SLC12A8: variants seen among roughly 807,000 people sequenced by gnomAD.
The protein encoded by SLC12A8 is solute carrier family 12 member 8.
A neutral mutation model predicts 75.6 loss-of-function variants in SLC12A8; 69 were observed. The ratio of observed to expected loss-of-function variants is 0.91; its 90% CI spans 0.75 to 1.11. The LOEUF (loss-of-function observed/expected upper bound fraction) is 1.11. SLC12A8 is among the 50% of genes most tolerant of loss of function. The pLI is 0.00. For synonymous variants in SLC12A8, 365 were observed against 372.8 expected, an observed-to-expected ratio of 0.98 and a Z score of 0.24; for missense variants, 877 against 896.7, an observed-to-expected ratio of 0.98 and a Z score of 0.28.
chr3:125,157,549 T>C (rs77809513), intron 5 of SLC12A8, among the ~76,000 whole-genome samples: 20,797 of 152,108 alleles, frequency 0.14, 3,174 homozygotes, highest in African/African-American at 0.38. Context: ...CTGAAAAGGC[T>C]CTGTACCCTT....
chr3:125,199,924 T>C (rs1935088351), intron 2 of SLC12A8, among the ~76,000 whole-genome samples: 1 of 152,054 alleles, frequency 6.6e-6, no homozygotes, highest in Non-Finnish European at 1.5e-5. Flanking sequence ...CTATTTTTCA[T>C]ATGGGAAACA....
chr3:125,172,505 C>T (rs1485447970), intron 5 of SLC12A8, among the ~76,000 whole-genome samples: 1 of 152,162 alleles, frequency 6.6e-6, no homozygotes, highest in Non-Finnish European at 1.5e-5. Context: ...ATTAAGCCTT[C>T]AGATGACCAC....
At chr3:125,101,632 A>T (rs1938876808) in intron 10 of SLC12A8, among the ~76,000 whole-genome samples, 1 of 152,168 alleles carries the variant, frequency 6.6e-6, no homozygotes, top group African/African-American at 2.4e-5. Flanking sequence ...CTACGTAGTT[A>T]AAAAATCTCT....
chr3:125,109,774 G>A (rs533636902), intron 9 of SLC12A8, among the ~76,000 whole-genome samples: 114 of 152,326 alleles, frequency 7.5e-4, no homozygotes, highest in African/African-American at 2.7e-3. Flanking sequence ...AGGGGCGGTT[G>A]AAACTCAAGG....
intron 10 of SLC12A8, among the ~76,000 whole-genome samples, chr3:125,096,347 C>T (rs961967279): frequency 6.6e-6 from 1 of 152,226 alleles, no homozygotes; most frequent in Non-Finnish European, 1.5e-5. Context: ...TTATCACTTA[C>T]TGACATCACA....
rs653238 is a variant in SLC12A8, at chr3:125,132,533, C to G, written c.736+3136G>C. Among the ~76,000 whole-genome samples the G allele has an allele frequency of 4.5e-3, 679 of 152,286 alleles. 21 individuals are homozygous for G. Among genetic ancestry groups the G allele is most frequent in the Admixed American group, 0.036 (554 of 15,292 alleles). ...GGGCACTGGAAAGAAAGAGGGAGGT[C>G]TGATCACTGGCATAAGCATTTGGCT... On this transcript the variant is annotated intron_variant, in intron 6 of 13. Coordinates refer to ENST00000469902, the MANE Select transcript of SLC12A8 (RefSeq NM_024628.6).
intron 2 of SLC12A8, among the ~76,000 whole-genome samples, chr3:125,199,609 G>A (rs1935081371): frequency 6.6e-6 from 1 of 151,378 alleles, no homozygotes; most frequent in Admixed American, 6.6e-5. Flanking sequence ...GGCCAGGTGT[G>A]GTGGCACATG....
intron 1 of SLC12A8, among the ~76,000 whole-genome samples, chr3:125,212,403 G>C (rs1334710434): frequency 1.3e-5 from 2 of 151,740 alleles, no homozygotes; most frequent in African/African-American, 2.4e-5. Context: ...GCCTCCGCAG[G>C]CCGCCCCGCA....
chr3:125,143,501 G>A (rs1049446016), intron 5 of SLC12A8, among the ~76,000 whole-genome samples: 7 of 152,278 alleles, frequency 4.6e-5, no homozygotes, highest in Admixed American at 6.5e-5. Context: ...TGCAAAGAGA[G>A]GGTGGAGAGA....
At chr3:125,131,313 C>T (rs1054229977) in intron 6 of SLC12A8, among the ~76,000 whole-genome samples, 1 of 152,150 alleles carries the variant, frequency 6.6e-6, no homozygotes, top group African/African-American at 2.4e-5. Flanking sequence ...AAACATGAGG[C>T]GACAAGGAGA....
intron 2 of SLC12A8, among the ~76,000 whole-genome samples, chr3:125,207,039 A>C (rs1230084776): frequency 6.6e-6 from 1 of 152,218 alleles, no homozygotes; most frequent in Non-Finnish European, 1.5e-5. Flanking sequence ...TGAGAGAGCA[A>C]GAGAGGAGAG....
intron 5 of SLC12A8, among the ~76,000 whole-genome samples, chr3:125,168,308 G>T (rs1186180195): frequency 6.6e-6 from 1 of 152,212 alleles, no homozygotes; most frequent in Non-Finnish European, 1.5e-5. Flanking sequence ...ATTAATTGGT[G>T]GAAAGGGCAG....
chr3:125,133,813 T>A (rs1007030903), intron 6 of SLC12A8, among the ~76,000 whole-genome samples: 2 of 152,032 alleles, frequency 1.3e-5, no homozygotes, highest in African/African-American at 2.4e-5. Flanking sequence ...GCTTGAGGGA[T>A]CCTCCTGTCT....
At chr3:125,087,065 TG>T (rs1221313807) in intron 13 of SLC12A8, among the ~76,000 whole-genome samples, 1 of 151,708 alleles carries the variant, frequency 6.6e-6, no homozygotes, top group Non-Finnish European at 1.5e-5. Flanking sequence ...ATGGCTAAGA[TG>T]GTACATCTCA....
chr3:125,202,244 T>C (rs1380952370), intron 2 of SLC12A8, among the ~76,000 whole-genome samples: 3 of 152,246 alleles, frequency 2.0e-5, no homozygotes, highest in Non-Finnish European at 4.4e-5. Context: ...CTACAATTAA[T>C]TGATAATGTT....
intron 2 of SLC12A8, among the ~76,000 whole-genome samples, chr3:125,196,542 C>T (rs191456338): frequency 4.6e-5 from 7 of 152,200 alleles, no homozygotes; most frequent in South Asian, 2.1e-4. Context: ...TGGAGTTAGA[C>T]GTATTAGTAT....
intron 10 of SLC12A8, among the ~76,000 whole-genome samples, chr3:125,103,479 A>G (rs1267088862): frequency 3.3e-4 from 50 of 149,568 alleles, no homozygotes; most frequent in East Asian, 5.8e-4. Flanking sequence ...AAAAAAAAAA[A>G]AGAGAGACAG....
intron 4 of SLC12A8, among the ~76,000 whole-genome samples, chr3:125,181,074 GGTAGACTGTCACTACTAGAA>G (rs1445462191): frequency 4.6e-5 from 7 of 152,006 alleles, no homozygotes; most frequent in Admixed American, 1.3e-4. Flanking sequence ...GACTTCTGAG[GGTAGACTGTCACTACTAGAA>G]GAACTAAAAG....
At chr3:125,100,809 C>G (rs186013101) in intron 10 of SLC12A8, among the ~76,000 whole-genome samples, 1 of 147,646 alleles carries the variant, frequency 6.8e-6, no homozygotes, top group African/African-American at 2.5e-5. Flanking sequence ...GTCAGGAGAT[C>G]GAGACCATCC....
Sources: allele counts gnomAD v4.1 joint callset (sites outside exome capture counted in the v4.1 genomes callset), GRCh38; gene constraint gnomAD v4.1.1; transcripts MANE v1.5; gene names NCBI Gene and HGNC (gene_info 2026-07-23, HGNC 2026-07-21).